The following TECR variants were observed in gnomAD, a reference collection of about 807,000 sequenced individuals.
TECR encodes the protein very-long-chain enoyl-CoA reductase.
TECR carries 19 observed loss-of-function variants against 50.6 expected under a neutral mutation model. The ratio of observed to expected loss-of-function variants is 0.38; its 90% CI spans 0.26 to 0.55. The LOEUF (loss-of-function observed/expected upper bound fraction) is 0.55, where lower values mean the gene tolerates loss of function less well. Ranked by LOEUF, TECR falls within the 20% of genes least tolerant of loss-of-function variation. The probability of loss-of-function intolerance (pLI) is 0.79; values close to 1 mark genes in which losing one functional copy is unlikely to be tolerated. For missense variants in TECR, 313 were observed against 408.3 expected (o/e 0.77, Z 2.01); for synonymous variants, 168 against 163.5 (o/e 1.03, Z -0.21).
At chr19:14,546,707 C>T (rs1010813046) in intron 1 of TECR, among the ~76,000 whole-genome samples, 9 of 152,146 alleles carry the variant, frequency 5.9e-5, no homozygotes, top group East Asian at 3.9e-4. Flanking sequence ...TTTTTTAAGA[C>T]GGAGTCTTGC....
intron 1 of TECR, among the ~76,000 whole-genome samples, chr19:14,550,985 AT>A (rs1334994963): frequency 6.6e-6 from 1 of 151,158 alleles, no homozygotes; most frequent in Non-Finnish European, 1.5e-5. Context: ...CCTTTTACTT[AT>A]GAGGACACTC....
chr19:14,565,644 C>A lies in TECR; in HGVS notation c.780C>A (p.Ile260=). 6.2e-7 allele frequency: 1 copy of A among 1,612,536 alleles called. No homozygotes were observed. Among genetic ancestry groups the A allele is most frequent in the Non-Finnish European group, 8.5e-7 (1 of 1,179,786 alleles). ...TGGGGTCCTGGATCGGTTTCGCCATCATGACGCAGTGTCTCCCAGGTGAGC... is the reference window on the plus strand; with the variant it reads ...TGGGGTCCTGGATCGGTTTCGCCATAATGACGCAGTGTCTCCCAGGTGAGC... ...YEVGSWIGFA[I]MTQCLPVALF... is the part of the protein sequence containing the mutation. Residue 260 remains isoleucine, a synonymous_variant, in exon 12 of 13, where the codon ATC becomes ATA. Coordinates refer to ENST00000215567, the MANE Select transcript of TECR (RefSeq NM_138501.6).
At position 14,564,886 on chromosome 19, in the gene TECR, C is replaced by G. The variant is rs758302840; in HGVS notation, c.562+28C>G. 4 of 1,613,884 alleles carry G rather than the reference C, an allele frequency of 2.5e-6. No individual in the cohort carries two copies. In the African/African-American group the frequency reaches 5.3e-5, roughly 22 times the overall value. On this transcript the variant is annotated intron_variant, in intron 8 of 12. Coordinates refer to ENST00000215567, the MANE Select transcript of TECR (RefSeq NM_138501.6). ...AAGTGGCCTCAGACCATCCTTCCCT[C>G]CCCCACGGTCCCCACCCAGCGGGTC...
At chr19:14,564,132 G>T in intron 6 of TECR, 35 bp downstream of exon 6, 1 of 1,607,028 alleles carries the variant, frequency 6.2e-7, no homozygotes. Context: ...GTAGGGGAAG[G>T]CAGAAGACCT....
chr19:14,562,490 C>T, intron 1 of TECR, 35 bp from the exon 2 acceptor site: 1 of 1,613,960 alleles, frequency 6.2e-7, no homozygotes, highest in Non-Finnish European at 8.5e-7. Flanking sequence ...CCAAAGGTGG[C>T]CAAGAAACCT....
upstream of TECR, chr19:14,527,898 CTTTTTTTTTT>C (rs2072464479): frequency 1.4e-5 from 2 of 147,934 alleles, no homozygotes; most frequent in Non-Finnish European, 3.0e-5. Context: ...CTTTTTTTTT[CTTTTTTTTTT>C]GAGACAGAAT....
At chr19:14,562,686 A>T (rs932787974) in intron 2 of TECR, 111 bp downstream of exon 2, 27 of 1,208,576 alleles carry the variant, frequency 2.2e-5, no homozygotes, top group Non-Finnish European at 3.1e-5. Context: ...CCCCTGCCCT[A>T]TGGAGGGGTA....
At chr19:14,557,337 C>A (rs1040620689) in intron 1 of TECR, among the ~76,000 whole-genome samples, 1 of 150,732 alleles carries the variant, frequency 6.6e-6, no homozygotes, top group Non-Finnish European at 1.5e-5. Context: ...GACGGGGTTT[C>A]ACCATGTTGG....
At chr19:14,548,818 G>A (rs1323864354) in intron 1 of TECR, among the ~76,000 whole-genome samples, 1 of 151,842 alleles carries the variant, frequency 6.6e-6, no homozygotes, top group Non-Finnish European at 1.5e-5. Context: ...CAAGTGATCT[G>A]CTCACTTTGG....
In TECR at chr19:14,563,311, T is replaced by C. The variant is rs2073960235; in HGVS notation, c.118+54T>C. 1 of 1,518,542 alleles carries C rather than the reference T, an allele frequency of 6.6e-7. No homozygotes were observed. The highest frequency in any genetic ancestry group is 1.5e-5 in the African/African-American group (1 of 67,940). The allele number at this position is 1,518,542 out of a possible 1,614,324, so 94.1% of individuals were successfully genotyped here. Reference sequence around the variant, plus strand: ...CTGCAACCCCTTTGACCAGGGACCTTAGGGTGGGAGGGATCCCATCCTGCA... The same window carrying C: ...CTGCAACCCCTTTGACCAGGGACCTCAGGGTGGGAGGGATCCCATCCTGCA... On this transcript the variant is annotated intron_variant, in intron 3 of 12. Coordinates refer to ENST00000215567, the MANE Select transcript of TECR (RefSeq NM_138501.6). This position sits in a 1 kb window ranked among gnomAD's most constrained non-coding sequence, Gnocchi z 5.3.
chr19:14,565,553 G>A, intron 11 of TECR, 65 bp from the exon 12 acceptor site: 1 of 1,569,388 alleles, frequency 6.4e-7, no homozygotes, highest in Non-Finnish European at 8.6e-7. Flanking sequence ...GGCTGGCTGA[G>A]TCCAGGACAG....
chr19:14,529,965 C>G (rs73519887), intron 1 of TECR: 1 of 578,894 alleles, frequency 1.7e-6, no homozygotes. Flanking sequence ...GGGGCTGGGA[C>G]GCTTGCAGGT....
At chr19:14,543,369 T>C (rs1430321496) in intron 1 of TECR, among the ~76,000 whole-genome samples, 1 of 137,830 alleles carries the variant, frequency 7.3e-6, no homozygotes, top group Non-Finnish European at 1.6e-5. Context: ...GTATTGCCTG[T>C]ATACTACTTG....
Position 14,565,925 on chromosome 19 carries a change from G to C in TECR, c.*54G>C, listed in dbSNP as rs1352359041. On this transcript the variant is annotated 3_prime_UTR_variant, in exon 13 of 13. Transcript: ENST00000215567. The stretch of plus-strand genomic sequence containing the variant: ...TCAACCCGGTGGCATTCTGGGGGAG[G>C]AGTGGGGCCCACAGCTCTCCAGCAC... 6.5e-7 allele frequency: 1 copy of C among 1,545,160 alleles called. No individual in the cohort carries two copies. The highest frequency in any genetic ancestry group is 1.4e-5 in the African/African-American group (1 of 73,306).
rs556566721 is a variant in TECR at position 14,557,196 on chromosome 19, A to G, written c.16-5329A>G. On this transcript the variant is annotated intron_variant, in intron 1 of 12. Transcript: ENST00000215567. ...GCTGTGTCGCCCAGGCTGGAGTGCA[A>G]TGGCATAAACTCAGCTCACTGCAAC... Among the ~76,000 whole-genome samples, 10 of 149,428 alleles carry G rather than the reference A, an allele frequency of 6.7e-5. No homozygotes were observed. In the East Asian group the frequency reaches 7.9e-4, roughly 12 times the overall value.
intron 1 of TECR, among the ~76,000 whole-genome samples, chr19:14,549,507 G>A (rs192589775): frequency 6.6e-6 from 1 of 151,970 alleles, no homozygotes; most frequent in African/African-American, 2.4e-5. Context: ...AAAAGTTTTT[G>A]TAGAGATAAG....
In TECR at chr19:14,563,295, CT is replaced by C. The variant is rs1277611979; in HGVS notation, c.118+41del. On this transcript the variant is annotated intron_variant, in intron 3 of 12. Transcript: ENST00000215567. The surrounding 1 kb of genome is among the most constrained non-coding windows in gnomAD (Gnocchi z 5.3). ...CCCGGCCACACTGCCCCTGCAACCC[CT>C]TTGACCAGGGACCTTAGGGTGGGAG... The C allele has an allele frequency of 6.4e-7, 1 of 1,573,234 alleles. No homozygotes were observed. Among genetic ancestry groups the C allele is most frequent in the Non-Finnish European group, 8.8e-7 (1 of 1,142,748 alleles).
At chr19:14,537,784 TC>T (rs1289416272) in intron 1 of TECR, among the ~76,000 whole-genome samples, 4 of 149,726 alleles carry the variant, frequency 2.7e-5, no homozygotes, top group African/African-American at 9.8e-5. Flanking sequence ...CTCGCTCTTG[TC>T]CCCTAGGCTG....
At chr19:14,558,119 A>G (rs533325839) in intron 1 of TECR, among the ~76,000 whole-genome samples, 60 of 152,188 alleles carry the variant, frequency 3.9e-4, no homozygotes, top group Non-Finnish European at 7.8e-4. Context: ...GTCAGATGGC[A>G]GCTGGGGACA....
Sources: gnomAD v4.1 joint callset for allele counts (sites outside exome capture counted in the v4.1 genomes callset) on GRCh38, gnomAD v4.1.1 for gene constraint, Gnocchi (gnomAD v3.1) non-coding constraint, MANE v1.5 for transcripts, NCBI Gene and HGNC (gene_info 2026-07-23, HGNC 2026-07-21) for gene names.